CCDC124: variants seen among roughly 807,000 people sequenced by gnomAD.
CCDC124 encodes the protein coiled-coil domain containing 124.
CCDC124 carries 9 observed loss-of-function variants against 19.8 expected under a neutral mutation model. The observed-to-expected ratio is 0.45, with a 90% CI of 0.27 to 0.79. The LOEUF (loss-of-function observed/expected upper bound fraction) is 0.79. Among genes scored for constraint, CCDC124 ranks in the 30% least tolerant of loss-of-function variants. CCDC124 has a pLI of 0.14. For synonymous variants in CCDC124, 126 were observed against 131.3 expected, an observed-to-expected ratio of 0.96 and a Z score of 0.27; for missense variants, 285 against 319.0, an observed-to-expected ratio of 0.89 and a Z score of 0.81.
chr19:17,941,065 A>G (rs1038343779), intron 2 of CCDC124, among the ~76,000 whole-genome samples: 3 of 151,860 alleles, frequency 2.0e-5, no homozygotes, highest in Admixed American at 6.6e-5. Context: ...AAACGAACGA[A>G]AAAAACACAA....
chr19:17,934,380 C>T (rs998413824), intron 1 of CCDC124, among the ~76,000 whole-genome samples: 5 of 149,352 alleles, frequency 3.3e-5, no homozygotes, highest in African/African-American at 4.9e-5. Flanking sequence ...AGCAAAACTC[C>T]GTCTCAAAAC....
chr19:17,942,994 T>A lies in CCDC124; in HGVS notation c.349+149T>A, dbSNP rs900276243. Reference sequence around the variant, plus strand: ...TGGGTAGGCCGCCTCCTGGTAGGCCTGGCCGTGAGCAGACAACCTCAGGGC... The same window carrying A: ...TGGGTAGGCCGCCTCCTGGTAGGCCAGGCCGTGAGCAGACAACCTCAGGGC... On this transcript the variant is annotated intron_variant, in intron 3 of 4. Transcript: ENST00000445755. This position sits in a 1 kb window ranked among gnomAD's most constrained non-coding sequence, Gnocchi z 4.2. 2.9e-5 allele frequency: 29 copies of A among 996,500 alleles called. No homozygotes were observed. The highest frequency in any genetic ancestry group is 3.4e-5 in the Non-Finnish European group (24 of 696,468). The allele number at this position is 996,500 out of a possible 1,614,324, so 61.7% of individuals were successfully genotyped here.
chr19:17,943,241 T>TCTGGGGC lies in CCDC124; in HGVS notation c.350-19_350-18insTGGGGCC. The TCTGGGGC allele has an allele frequency of 2.0e-5, 15 of 736,632 alleles. No individual in the cohort carries two copies. The highest frequency in any genetic ancestry group is 2.9e-5 in the Non-Finnish European group (12 of 414,944). 45.6% of individuals were successfully genotyped at this position (736,632 alleles called of 1,614,324 possible). On this transcript the variant is annotated intron_variant, in intron 3 of 4. Transcript: ENST00000445755. ...CTTTGCTTATCTCTCTCTGTCTCTGTCACCCACCCACCCGCCCAGCCGAGA... is the reference window on the plus strand; with the variant it reads ...CTTTGCTTATCTCTCTCTGTCTCTGTCTGGGGCCACCCACCCACCCGCCCAGCCGAGA...
rs540203310 is a variant in CCDC124 at position 17,938,422 on chromosome 19, G to T, written c.159+1843G>T. On this transcript the variant is annotated intron_variant, in intron 2 of 4. Transcript: ENST00000445755. ...GTTTAGGGCTGATGCTGACCTGCTT[G>T]GCCCAGTAGGTGGCGCCAGTGACCC... Among the ~76,000 whole-genome samples the T allele has an allele frequency of 3.9e-5, 6 of 152,226 alleles. No homozygotes were observed. In the East Asian group the frequency reaches 1.2e-3, roughly 29 times the overall value.
rs146510396 is a variant in CCDC124, at chr19:17,943,613, C to T, written c.570C>T (p.Asn190=). The T allele has an allele frequency of 1.2e-6, 2 of 1,613,010 alleles. No homozygotes were observed. The highest frequency in any genetic ancestry group is 2.2e-5 in the South Asian group (2 of 91,086). The change falls in exon 5 of 5, where the codon AAC becomes AAT. Residue 190 remains asparagine, a synonymous_variant. Coordinates refer to ENST00000445755, the MANE Select transcript of CCDC124 (RefSeq NM_001136203.2). ...QLPRLKQENP[N]MRLSQLKQLL... ...CGCGGCTCAAACAAGAGAACCCCAA[C>T]ATGCGGCTGTCGCAGCTGAAACAGC...
chr19:17,939,093 C>T (rs2031120670), intron 2 of CCDC124, among the ~76,000 whole-genome samples: 1 of 152,008 alleles, frequency 6.6e-6, no homozygotes, highest in Non-Finnish European at 1.5e-5. Context: ...AAAACAATGT[C>T]TGTCAAAGAT....
At chr19:17,936,146 C>T in intron 1 of CCDC124, 1 of 322,818 alleles carries the variant, frequency 3.1e-6, no homozygotes, top group East Asian at 5.2e-5. Flanking sequence ...CGCAAGTGAT[C>T]CGCCCGCCTC....
chr19:17,936,136 C>T (rs1486452342), intron 1 of CCDC124: 6 of 300,116 alleles, frequency 2.0e-5, no homozygotes, highest in Admixed American at 4.9e-5. Context: ...AACTTCTGAC[C>T]GCAAGTGATC....
chr19:17,936,388 C>G (rs1265134051), intron 1 of CCDC124, 22 bp from the exon 2 acceptor site: 2 of 1,590,338 alleles, frequency 1.3e-6, no homozygotes, highest in Admixed American at 3.4e-5. Flanking sequence ...CCTGCTCCCC[C>G]ATCCCCATCC....
intron 2 of CCDC124, 180 bp downstream of exon 2, chr19:17,936,759 T>C: frequency 1.5e-6 from 1 of 645,518 alleles, no homozygotes; most frequent in Non-Finnish European, 2.5e-6. Flanking sequence ...GGCAGGCAGA[T>C]CACCTGGGGT....
At chr19:17,936,089 G>A (rs2031055047) in intron 1 of CCDC124, among the ~76,000 whole-genome samples, 1 of 151,824 alleles carries the variant, frequency 6.6e-6, no homozygotes, top group African/African-American at 2.4e-5. Flanking sequence ...ATTTTTAGTG[G>A]AGATGGGGTT....
intron 2 of CCDC124, among the ~76,000 whole-genome samples, chr19:17,939,117 G>A (rs888898280): frequency 5.7e-4 from 86 of 152,152 alleles, no homozygotes; most frequent in Admixed American, 3.3e-3. Flanking sequence ...GTATCCATCC[G>A]GGTGCGGTGG....
At chr19:17,943,204 G>T in intron 3 of CCDC124, 57 bp from the exon 4 acceptor site, 1 of 1,349,048 alleles carries the variant, frequency 7.4e-7, no homozygotes, top group Non-Finnish European at 1.0e-6. Context: ...TCATCTCCTT[G>T]GAACTGTGCA....
At chr19:17,936,645 A>G (rs2031072706) in intron 2 of CCDC124, 66 bp downstream of exon 2, 6 of 1,540,382 alleles carry the variant, frequency 3.9e-6, no homozygotes, top group Non-Finnish European at 5.3e-6. Context: ...CATTATGTCA[A>G]TGTGGGTGAA....
rs913937731 is a variant in CCDC124 at position 17,939,661 on chromosome 19, C to T, written c.160-2995C>T. On this transcript the variant is annotated intron_variant, in intron 2 of 4. Coordinates refer to ENST00000445755, the MANE Select transcript of CCDC124 (RefSeq NM_001136203.2). ...TTTTTGAGGCAGAGTTTCACTCTGT[C>T]GCACAGGCTGGAGTGCAGTGGCGCG... Among the ~76,000 whole-genome samples the T allele has an allele frequency of 3.3e-5, 5 of 151,562 alleles. 1 individual carries two copies. The highest frequency in any genetic ancestry group is 7.3e-5 in the African/African-American group (3 of 41,344).
At chr19:17,934,618 T>G (rs1446043574) in intron 1 of CCDC124, among the ~76,000 whole-genome samples, 6 of 107,608 alleles carry the variant, frequency 5.6e-5, no homozygotes, top group Admixed American at 5.3e-4. Flanking sequence ...AGACCCTGCC[T>G]TAAAAAAAAA....
rs546726017 is a variant in CCDC124 at position 17,943,502 on chromosome 19, C to T, written c.465-6C>T. Reference sequence around the variant, plus strand: ...AAGGCCCCCTGACGCTCATGTCCACCCCCAGCGTGGCGGAGGAGGCGGCCG... The same window carrying T: ...AAGGCCCCCTGACGCTCATGTCCACTCCCAGCGTGGCGGAGGAGGCGGCCG... On this transcript the variant is annotated splice_region_variant and splice_polypyrimidine_tract_variant and intron_variant, in intron 4 of 4. Coordinates refer to ENST00000445755, the MANE Select transcript of CCDC124 (RefSeq NM_001136203.2). The T allele has an allele frequency of 8.4e-5, 135 of 1,609,628 alleles. No individual in the cohort carries two copies. The South Asian group carries it at 9.1e-4, about 11-fold the overall frequency.
rs1250255394 is a variant in CCDC124, at chr19:17,943,367, A to C, written c.456A>C (p.Ala152=). 3.9e-6 allele frequency: 6 copies of C among 1,528,618 alleles called. No homozygotes were observed. The highest frequency in any genetic ancestry group is 4.4e-6 in the Non-Finnish European group (5 of 1,137,730). 94.7% of individuals were successfully genotyped at this position (1,528,618 alleles called of 1,614,324 possible). Residue 152 remains alanine (A), a synonymous_variant, in exon 4 of 5, where the codon GCA becomes GCC. Transcript: ENST00000445755. The part of the protein sequence containing the change: ...VEARTIEDAI[A]VLSVAEEAAD... ...CGCGCACCATCGAGGACGCCATTGC[A>C]GTGCTCAGGTAACGGGGCGGGGCCT...
At chr19:17,933,691 A>T (rs949430445) in intron 1 of CCDC124, among the ~76,000 whole-genome samples, 1 of 152,150 alleles carries the variant, frequency 6.6e-6, no homozygotes, top group Non-Finnish European at 1.5e-5. Context: ...TCCCGCGTGC[A>T]GGCTGCGCTC....
Sources: allele counts gnomAD v4.1 joint callset (sites outside exome capture counted in the v4.1 genomes callset), GRCh38; gene constraint gnomAD v4.1.1; non-coding constraint Gnocchi (gnomAD v3.1); transcripts MANE v1.5; gene names NCBI Gene and HGNC (gene_info 2026-07-23, HGNC 2026-07-21).